The following KRT27 variants were observed in gnomAD, a reference collection of about 807,000 sequenced individuals.
The protein encoded by KRT27 is keratin, type I cytoskeletal 27.
Under a neutral mutation model 45.3 loss-of-function variants are expected in KRT27, and 30 were observed. The observed-to-expected ratio is 0.66, with a 90% CI of 0.50 to 0.90. The LOEUF is 0.90. Among genes scored for constraint, KRT27 ranks in the 40% least tolerant of loss-of-function variants. KRT27 has a pLI of 0.00. For synonymous variants in KRT27, 204 were observed against 223.9 expected, an observed-to-expected ratio of 0.91 and a Z score of 0.79; for missense variants, 610 against 564.3, an observed-to-expected ratio of 1.08 and a Z score of -0.82.
intron 2 of KRT27, among the ~76,000 whole-genome samples, chr17:40,780,785 C>A (rs942122462): frequency 1.8e-4 from 28 of 152,118 alleles, no homozygotes; most frequent in African/African-American, 6.3e-4. Context: ...GGAGGCGGAG[C>A]TTGCAGTGAG....
rs913299852 is a variant in KRT27 at position 40,782,140 on chromosome 17, C to T, written c.354G>A (p.Gly118=). The change falls in exon 1 of 8, where the codon GGG becomes GGA. Residue 118 remains glycine (G), a synonymous_variant. Transcript: ENST00000301656. ...AACCAGGTCCAAATTTCTCATACCA[C>T]CCCTTGATCTTCTGCTCCAAGTCAG... ...ANADLEQKIK[G]WYEKFGPGSC... The T allele has an allele frequency of 3.1e-6, 5 of 1,614,196 alleles. No homozygotes were observed. Among genetic ancestry groups the T allele is most frequent in the Non-Finnish European group, 4.2e-6 (5 of 1,180,046 alleles).
In KRT27 at chr17:40,780,353, G is replaced by T. The variant is rs771657984; in HGVS notation, c.631C>A (p.Gln211Lys). ...AGCTCCTCACTGAGAGTTTCCAGCT[G>T]GATCTCCAGGTCCGTTCTGCACAAG... is the stretch of plus-strand genomic sequence containing the variant. ...LTLCRTDLEI[Q>K]LETLSEELAY... The change falls in exon 3 of 8, where the codon CAG becomes AAG. Residue 211 changes from glutamine (Q) to lysine (K), a missense_variant. Gln to Lys is a moderately conservative substitution (Grantham distance 53). Transcript: ENST00000301656. 1 of 1,612,842 alleles carries T rather than the reference G, an allele frequency of 6.2e-7. No individual in the cohort carries two copies. The highest frequency in any genetic ancestry group is 1.1e-5 in the South Asian group (1 of 90,674).
rs764306473 is a variant in KRT27, at chr17:40,779,593, G to C, written c.881C>G (p.Ala294Gly). 6.2e-7 allele frequency: 1 copy of C among 1,614,240 alleles called. No individual in the cohort carries two copies. Among genetic ancestry groups the C allele is most frequent in the Admixed American group, 1.7e-5 (1 of 60,038 alleles). ...ASLQQQISDD[A>G]GATTSARNEL... ...ATTCCGGGCTGAGGTGGTGGCGCCA[G>C]CGTCGTCAGAGATCTGCTGCTGCAG... is the stretch of plus-strand genomic sequence containing the variant. Residue 294 changes from alanine to glycine, a missense_variant, in exon 5 of 8, where the codon GCT becomes GGT. By Grantham distance (60) the Ala-to-Gly change is moderately conservative. Coordinates refer to ENST00000301656, the MANE Select transcript of KRT27 (RefSeq NM_181537.4).
At chr17:40,779,261 G>C (rs1490879715) in intron 5 of KRT27, among the ~76,000 whole-genome samples, 1 of 152,068 alleles carries the variant, frequency 6.6e-6, no homozygotes, top group African/African-American at 2.4e-5. Flanking sequence ...AAGTCAAAAC[G>C]ATTTTCTTTT....
intron 3 of KRT27, 126 bp from the exon 4 acceptor site, chr17:40,779,987 G>A (rs1567680886): frequency 4.3e-6 from 5 of 1,159,252 alleles, no homozygotes; most frequent in Admixed American, 2.8e-5. Context: ...CTGCAGCCTC[G>A]AAATCCTGGC....
rs371585217 is a variant in KRT27 at position 40,782,507 on chromosome 17, T to C, written c.-14A>G. On this transcript the variant is annotated 5_prime_UTR_variant, in exon 1 of 8. Transcript: ENST00000301656. ...GCGCACAGACATGGTGTCCGGAGGC[T>C]GGAGCCTTTGTTTCTGCGGTGATGC... is the stretch of plus-strand genomic sequence containing the variant. The C allele has an allele frequency of 2.0e-6, 3 of 1,519,794 alleles. No homozygotes were observed. The highest frequency in any genetic ancestry group is 2.6e-6 in the Non-Finnish European group (3 of 1,133,086). The allele number at this position is 1,519,794 out of a possible 1,614,324, so 94.1% of individuals were successfully genotyped here.
In KRT27 at chr17:40,779,768, T is replaced by C; in HGVS notation, c.778A>G (p.Met260Val). 1 of 1,614,256 alleles carries C rather than the reference T, an allele frequency of 6.2e-7. No homozygotes were observed. The highest frequency in any genetic ancestry group is 8.5e-7 in the Non-Finnish European group (1 of 1,180,012). ...GCGAGGGCTTCGTACTCAGCTCGCA[T>C]ATTGTTCAGCAGAACCGTGAGGTCT... Reference protein sequence around the residue: ...GVDLTVLLNNMRAEYEALAEQ... With the variant: ...GVDLTVLLNNVRAEYEALAEQ... The change falls in exon 4 of 8, where the codon ATG (methionine) becomes GTG (valine). Residue 260 changes from methionine (M) to valine (V), a missense_variant. Transcript: ENST00000301656.
Position 40,777,591 on chromosome 17 carries a change from C to G in KRT27, c.1114G>C (p.Glu372Gln). 1 of 1,614,048 alleles carries G rather than the reference C, an allele frequency of 6.2e-7. No homozygotes were observed. The change falls in exon 6 of 8, where the codon GAG (glutamate) becomes CAG (glutamine). Residue 372 changes from glutamate to glutamine, a missense_variant. Physicochemically the swap from Glu to Gln is conservative, Grantham distance 29. Transcript: ENST00000301656. Reference protein sequence around the residue: ...TETEGQKLEYEQLLDIKVHLE... With the variant: ...TETEGQKLEYQQLLDIKVHLE... ...TGGACCTTGATGTCAAGGAGCTGCT[C>G]ATACTCGAGCTTCTGGCCCTCGGTC...
chr17:40,779,903 T>C (rs2038296525), intron 3 of KRT27, 42 bp from the exon 4 acceptor site: 1 of 1,572,898 alleles, frequency 6.4e-7, no homozygotes, highest in Non-Finnish European at 8.6e-7. Flanking sequence ...CTGAATATTT[T>C]ATTTATTGCA....
Position 40,777,576 on chromosome 17 carries a change from T to C in KRT27, c.1129A>G (p.Ile377Val), listed in dbSNP as rs1420799856. Residue 377 changes from isoleucine (I) to valine (V), a missense_variant, in exon 6 of 8, where the codon ATC becomes GTC. By Grantham distance (29) the Ile-to-Val change is conservative. Transcript: ENST00000301656. ...ATTTCTTTTTCCAGGTGGACCTTGA[T>C]GTCAAGGAGCTGCTCATACTCGAGC... is the stretch of plus-strand genomic sequence containing the variant. ...QKLEYEQLLD[I>V]KVHLEKEIET... 5.0e-6 allele frequency: 8 copies of C among 1,613,916 alleles called. No homozygotes were observed. Among genetic ancestry groups the C allele is most frequent in the Admixed American group, 1.7e-5 (1 of 59,990 alleles).
At position 40,779,829 on chromosome 17, in the gene KRT27, G is replaced by C; in HGVS notation, c.717C>G (p.Gly239=). 2 of 1,613,586 alleles carry C rather than the reference G, an allele frequency of 1.2e-6. No individual in the cohort carries two copies. Among genetic ancestry groups the C allele is most frequent in the Admixed American group, 3.3e-5 (2 of 59,784 alleles). ...CCGCGTTCATCTCCACGTTCACGTTGCCTCCAGCCGCGCACTGAAGAGCTT... is the reference window on the plus strand; with the variant it reads ...CCGCGTTCATCTCCACGTTCACGTTCCCTCCAGCCGCGCACTGAAGAGCTT... ...EMKALQCAAG[G]NVNVEMNAAP... Residue 239 remains glycine, a synonymous_variant, in exon 4 of 8, where the codon GGC becomes GGG. Transcript: ENST00000301656.
intron 2 of KRT27, 54 bp downstream of exon 2, chr17:40,781,134 G>T: frequency 9.5e-7 from 1 of 1,056,090 alleles, no homozygotes; most frequent in Non-Finnish European, 1.4e-6. Context: ...AAGAATAAAG[G>T]AGAAAAAATG....
At chr17:40,779,136 C>T (rs924041004) in intron 5 of KRT27, among the ~76,000 whole-genome samples, 2 of 152,152 alleles carry the variant, frequency 1.3e-5, no homozygotes, top group African/African-American at 4.8e-5. Flanking sequence ...CCTATCCCCC[C>T]ATCCCCTTCC....
At position 40,780,466 on chromosome 17, in the gene KRT27, G is replaced by A. The variant is rs1288719534; in HGVS notation, c.528-10C>T. The stretch of plus-strand genomic sequence containing the variant: ...TAGCTCGTTTTCAAACCTTAGAAAA[G>A]TATTTGGAAGTTTCATCATTAGTCA... On this transcript the variant is annotated splice_polypyrimidine_tract_variant and intron_variant, in intron 2 of 7. Transcript: ENST00000301656. The A allele has an allele frequency of 1.2e-6, 2 of 1,611,480 alleles. No homozygotes were observed. Among genetic ancestry groups the A allele is most frequent in the Admixed American group, 1.7e-5 (1 of 59,544 alleles).
At chr17:40,777,356 A>G in intron 6 of KRT27, 54 bp from the exon 7 acceptor site, 1 of 1,572,302 alleles carries the variant, frequency 6.4e-7, no homozygotes, top group Admixed American at 1.9e-5. Context: ...GAGGAAACTG[A>G]AAAATAATGA....
rs1033156324 is a variant in KRT27 at position 40,782,110 on chromosome 17, G to A, written c.384C>T (p.Cys128=). Residue 128 remains cysteine, a synonymous_variant, in exon 1 of 8, where the codon TGC becomes TGT. Coordinates refer to ENST00000301656, the MANE Select transcript of KRT27 (RefSeq NM_181537.4). ...GWYEKFGPGS[C]RGLDHDYSRY... is the part of the protein sequence containing the mutation. Reference sequence around the variant, plus strand: ...TGCTGTAATCATGATCAAGGCCACGGCAAGAACCAGGTCCAAATTTCTCAT... The same window carrying A: ...TGCTGTAATCATGATCAAGGCCACGACAAGAACCAGGTCCAAATTTCTCAT... The A allele has an allele frequency of 6.2e-7, 1 of 1,613,884 alleles. No individual in the cohort carries two copies. The highest frequency in any genetic ancestry group is 8.5e-7 in the Non-Finnish European group (1 of 1,180,038).
chr17:40,777,651 C>T lies in KRT27; in HGVS notation c.1054G>A (p.Ala352Thr), dbSNP rs112748985. 5 of 1,613,900 alleles carry T rather than the reference C, an allele frequency of 3.1e-6. No homozygotes were observed. Among genetic ancestry groups the T allele is most frequent in the Middle Eastern group, 1.6e-4 (1 of 6,084 alleles). ...ACCTGGTGCAGCTGCTCCTCCAGGG[C>T]CCCGATCTGAGCCTGGATCTGTGCC... ...QLAQIQAQIG[A>T]LEEQLHQVRT... is the part of the protein sequence containing the mutation. Residue 352 changes from alanine to threonine, a missense_variant, in exon 6 of 8, where the codon GCC (alanine) becomes ACC (threonine). Coordinates refer to ENST00000301656, the MANE Select transcript of KRT27 (RefSeq NM_181537.4).
At chr17:40,780,817 C>G (rs897669626) in intron 2 of KRT27, among the ~76,000 whole-genome samples, 5 of 152,084 alleles carry the variant, frequency 3.3e-5, no homozygotes, top group African/African-American at 1.2e-4. Flanking sequence ...CCACTGCACT[C>G]CAGCCTGGGC....
chr17:40,780,278 G>A (rs542513614), intron 3 of KRT27, 22 bp downstream of exon 3: 140 of 1,574,410 alleles, frequency 8.9e-5, no homozygotes, highest in Non-Finnish European at 9.7e-5. Context: ...GATTGTGAGA[G>A]CCAGCCGGGT....
Sources: allele counts gnomAD v4.1 joint callset (sites outside exome capture counted in the v4.1 genomes callset), GRCh38; gene constraint gnomAD v4.1.1; transcripts MANE v1.5; gene names NCBI Gene and HGNC (gene_info 2026-07-23, HGNC 2026-07-21).